The following SNTG2 variants were observed in gnomAD, a reference collection of about 807,000 sequenced individuals.
The protein encoded by SNTG2 is gamma-2-syntrophin.
Under a neutral mutation model 70.9 loss-of-function variants are expected in SNTG2, and 74 were observed. The ratio of observed to expected loss-of-function variants is 1.04; its 90% CI spans 0.86 to 1.27. The LOEUF (loss-of-function observed/expected upper bound fraction) is 1.27. Among genes scored for constraint, SNTG2 ranks in the 50% most tolerant of loss-of-function variants. The probability of loss-of-function intolerance (pLI) is 0.00; values close to 1 mark genes in which losing one functional copy is unlikely to be tolerated. For missense variants in SNTG2, 717 were observed against 690.7 expected (o/e 1.04, Z -0.43); for synonymous variants, 278 against 273.8 (o/e 1.02, Z -0.15).
At chr2:1,234,884 T>C (rs1037402597) in intron 9 of SNTG2, among the ~76,000 whole-genome samples, 1 of 152,204 alleles carries the variant, frequency 6.6e-6, no homozygotes, top group African/African-American at 2.4e-5. Flanking sequence ...CCACTGACTT[T>C]ACGAGGATGA....
intron 15 of SNTG2, among the ~76,000 whole-genome samples, chr2:1,310,328 T>G (rs1363967510): frequency 1.3e-5 from 2 of 152,162 alleles, no homozygotes; most frequent in Non-Finnish European, 2.9e-5. Context: ...GTGGGTAATG[T>G]ACTCACAGGC....
chr2:1,164,438 C>T (rs113472629), intron 6 of SNTG2, among the ~76,000 whole-genome samples: 1 of 118,916 alleles, frequency 8.4e-6, no homozygotes, highest in East Asian at 2.6e-4. Flanking sequence ...TAGGAACCTG[C>T]CCAAACTGTG....
At chr2:1,263,503 GT>G in intron 13 of SNTG2, among the ~76,000 whole-genome samples, 2 of 150,604 alleles carry the variant, frequency 1.3e-5, no homozygotes, top group South Asian at 4.2e-4. Context: ...AACCCTTTTT[GT>G]TTTTTTCAGG....
chr2:1,163,709 T>C (rs1670500436), intron 6 of SNTG2: 1 of 152,272 alleles, frequency 6.6e-6, no homozygotes. Flanking sequence ...CTGGAGTTTT[T>C]AGTGGGATTT....
intron 15 of SNTG2, among the ~76,000 whole-genome samples, chr2:1,313,261 C>G (rs555031724): frequency 6.6e-6 from 1 of 152,236 alleles, no homozygotes; most frequent in Non-Finnish European, 1.5e-5. Flanking sequence ...CAAAGCTGCT[C>G]TTTAATTACT....
chr2:1,273,263 C>G (rs1032555655), intron 14 of SNTG2, among the ~76,000 whole-genome samples: 1 of 152,184 alleles, frequency 6.6e-6, no homozygotes, highest in African/African-American at 2.4e-5. Flanking sequence ...CTGAGCTGCT[C>G]TCACAGAACA....
At chr2:1,340,673 T>G (rs1660039593) in intron 16 of SNTG2, among the ~76,000 whole-genome samples, 1 of 152,242 alleles carries the variant, frequency 6.6e-6, no homozygotes, top group Non-Finnish European at 1.5e-5. Flanking sequence ...TTTCTAAAAT[T>G]GAATGGTAGA....
chr2:1,277,455 G>C (rs1018270329), intron 14 of SNTG2, among the ~76,000 whole-genome samples: 9 of 152,200 alleles, frequency 5.9e-5, no homozygotes, highest in African/African-American at 2.2e-4. Context: ...TAACAATAAA[G>C]TATGTTTAAA....
At chr2:951,554 G>A (rs1256816549) in intron 1 of SNTG2, among the ~76,000 whole-genome samples, 1 of 152,236 alleles carries the variant, frequency 6.6e-6, no homozygotes, top group Non-Finnish European at 1.5e-5. Flanking sequence ...GGTGCTGGGG[G>A]CTCTAGGCCA....
intron 2 of SNTG2, 106 bp downstream of exon 2, chr2:1,083,761 T>C (rs1052287788): frequency 7.9e-7 from 1 of 1,266,768 alleles, no homozygotes; most frequent in Admixed American, 2.0e-5. Context: ...AAGCTGCTAC[T>C]CGTTATTTAA....
intron 14 of SNTG2, among the ~76,000 whole-genome samples, chr2:1,307,855 G>A (rs1047263149): frequency 6.6e-6 from 1 of 152,196 alleles, no homozygotes; most frequent in Admixed American, 6.5e-5. Context: ...AACCCAACCC[G>A]GGCTTCCCCT....
intron 1 of SNTG2, among the ~76,000 whole-genome samples, chr2:972,493 G>A (rs1394229422): frequency 6.6e-6 from 1 of 152,106 alleles, no homozygotes; most frequent in Non-Finnish European, 1.5e-5. Context: ...AGAAAAAACA[G>A]CAGGAGTTAC....
intron 4 of SNTG2, among the ~76,000 whole-genome samples, chr2:1,132,199 G>A (rs986318058): frequency 3.3e-4 from 50 of 150,964 alleles, no homozygotes; most frequent in African/African-American, 1.2e-3. Flanking sequence ...ATATGTGTGT[G>A]TATATATATG....
chr2:1,219,135 G>A (rs1036187628), intron 9 of SNTG2, among the ~76,000 whole-genome samples: 2 of 152,100 alleles, frequency 1.3e-5, no homozygotes, highest in Non-Finnish European at 2.9e-5. Context: ...GAGTTCTCAT[G>A]AGAACCAGCT....
chr2:1,283,924 A>G (rs1679662185), intron 14 of SNTG2, among the ~76,000 whole-genome samples: 4 of 152,158 alleles, frequency 2.6e-5, no homozygotes, highest in Non-Finnish European at 1.5e-5. Context: ...GGGCTAGAAC[A>G]TTGGTGCTGC....
chr2:1,313,394 C>CA (rs35647700), intron 15 of SNTG2, among the ~76,000 whole-genome samples: 14 of 144,740 alleles, frequency 9.7e-5, no homozygotes, highest in African/African-American at 3.2e-4. Context: ...GGATGTGGAG[C>CA]AAAAAAAATG....
At chr2:1,327,000 C>CA (rs1027517628) in intron 16 of SNTG2, among the ~76,000 whole-genome samples, 1 of 151,882 alleles carries the variant, frequency 6.6e-6, no homozygotes, top group African/African-American at 2.4e-5. Context: ...ATCTTCCTTA[C>CA]AAAAAATATA....
intron 6 of SNTG2, among the ~76,000 whole-genome samples, chr2:1,146,118 T>G (rs1669085768): frequency 6.6e-6 from 1 of 152,164 alleles, no homozygotes; most frequent in Admixed American, 6.6e-5. Context: ...AGAAACTAGA[T>G]GATTTCCCAC....
At chr2:1,188,005 G>A (rs140046608) in intron 8 of SNTG2, among the ~76,000 whole-genome samples, 4 of 152,328 alleles carry the variant, frequency 2.6e-5, no homozygotes, top group African/African-American at 4.8e-5. Context: ...CTAGAAGGGC[G>A]GCTGGAGAGT....
Sources: allele counts gnomAD v4.1 joint callset (sites outside exome capture counted in the v4.1 genomes callset), GRCh38; gene constraint gnomAD v4.1.1; transcripts MANE v1.5; gene names NCBI Gene and HGNC (gene_info 2026-07-23, HGNC 2026-07-21).